Variants in CEP85L observed in about 807,000 individuals in gnomAD.
CEP85L encodes the protein centrosomal protein 85L.
In CEP85L, 60 loss-of-function variants were observed where a neutral mutation model predicts 100.3. That is an observed-to-expected ratio of 0.60 (90% CI 0.49 to 0.74). CEP85L has a LOEUF of 0.74. Among genes scored for constraint, CEP85L ranks in the 30% least tolerant of loss-of-function variants. The pLI is 0.00. For missense variants in CEP85L, 973 were observed against 936.2 expected (o/e 1.04, Z -0.51); for synonymous variants, 319 against 322.7 (o/e 0.99, Z 0.12).
intron 2 of CEP85L, among the ~76,000 whole-genome samples, chr6:118,597,314 C>T (rs1257275112): frequency 6.6e-6 from 1 of 152,158 alleles, no homozygotes; most frequent in Non-Finnish European, 1.5e-5. Context: ...ACTAATCATG[C>T]CTTAAACTCA....
At chr6:118,701,008 C>T (rs937742131) in intron 1 of CEP85L, among the ~76,000 whole-genome samples, 2 of 152,130 alleles carry the variant, frequency 1.3e-5, no homozygotes, top group African/African-American at 4.8e-5. Flanking sequence ...GGGTGGCCAC[C>T]AGAGCATAAC....
intron 2 of CEP85L, among the ~76,000 whole-genome samples, chr6:118,600,300 G>GGGGGGGGGGT: frequency 1.9e-5 from 1 of 52,244 alleles, no homozygotes; most frequent in Non-Finnish European, 4.0e-5. Flanking sequence ...CCTTCCTGGG[G>GGGGGGGGGGT]GTGTGTGTGT....
intron 5 of CEP85L, chr6:118,502,701 T>C (rs1343050725): frequency 2.2e-6 from 1 of 458,856 alleles, no homozygotes; most frequent in Non-Finnish European, 4.0e-6. Context: ...CCCTTCCCAA[T>C]ATGATGTCTC....
intron 5 of CEP85L, among the ~76,000 whole-genome samples, chr6:118,506,539 C>T (rs1278967279): frequency 6.6e-6 from 1 of 152,196 alleles, no homozygotes; most frequent in East Asian, 1.9e-4. Context: ...TAACCCTAAG[C>T]CTTTTGCTTT....
intron 2 of CEP85L, among the ~76,000 whole-genome samples, chr6:118,607,988 C>T (rs978232117): frequency 1.3e-5 from 2 of 151,888 alleles, no homozygotes; most frequent in African/African-American, 2.4e-5. Flanking sequence ...GAAGTCAGGG[C>T]GAGTCCACAG....
At chr6:118,505,452 C>G (rs888516220) in intron 5 of CEP85L, among the ~76,000 whole-genome samples, 1 of 127,872 alleles carries the variant, frequency 7.8e-6, no homozygotes, top group African/African-American at 2.9e-5. Flanking sequence ...AACACAGATG[C>G]TTCTACTATA....
chr6:118,569,629 TAAATC>T (rs1300884954), intron 2 of CEP85L, among the ~76,000 whole-genome samples: 1 of 151,894 alleles, frequency 6.6e-6, no homozygotes, highest in African/African-American at 2.4e-5. Context: ...CAGTGAGAAT[TAAATC>T]AAAACACATA....
chr6:118,525,068 A>G (rs1218665449), intron 3 of CEP85L, among the ~76,000 whole-genome samples: 1 of 152,122 alleles, frequency 6.6e-6, no homozygotes, highest in Non-Finnish European at 1.5e-5. Flanking sequence ...TCACCCTTCA[A>G]GGTGTCTGCA....
At chr6:118,677,350 G>A (rs901660373) in intron 1 of CEP85L, among the ~76,000 whole-genome samples, 14 of 152,232 alleles carry the variant, frequency 9.2e-5, no homozygotes, top group Admixed American at 2.0e-4. Context: ...AGAAGGGGGC[G>A]AGCTGTACAA....
chr6:118,646,288 C>A (rs944813551), intron 1 of CEP85L, among the ~76,000 whole-genome samples: 2 of 73,826 alleles, frequency 2.7e-5, no homozygotes, highest in Non-Finnish European at 5.4e-5. Flanking sequence ...TGACCCTATA[C>A]AATAAATTGC....
intron 2 of CEP85L, among the ~76,000 whole-genome samples, chr6:118,628,258 G>A (rs1344254214): frequency 2.6e-5 from 4 of 152,150 alleles, no homozygotes; most frequent in Non-Finnish European, 5.9e-5. Flanking sequence ...ACTAGACCAG[G>A]AATTTAAAAC....
chr6:118,671,125 C>T (rs553453358), intron 1 of CEP85L, among the ~76,000 whole-genome samples: 38 of 152,222 alleles, frequency 2.5e-4, no homozygotes, highest in African/African-American at 8.4e-4. Flanking sequence ...ACTATGTTAT[C>T]GTAAGCAATT....
At chr6:118,537,543 A>G (rs528242642) in intron 3 of CEP85L, 2 of 985,348 alleles carry the variant, frequency 2.0e-6, no homozygotes, top group South Asian at 4.7e-5. Context: ...GAAATGGCAG[A>G]TTCCACTCTC....
At chr6:118,598,460 T>C (rs1163085950) in intron 2 of CEP85L, among the ~76,000 whole-genome samples, 2 of 152,196 alleles carry the variant, frequency 1.3e-5, no homozygotes, top group Non-Finnish European at 2.9e-5. Context: ...GAGGTCATGC[T>C]GGTTCAGGGT....
At chr6:118,537,811 T>C in intron 3 of CEP85L, 2 of 985,328 alleles carry the variant, frequency 2.0e-6, no homozygotes, top group Non-Finnish European at 2.4e-6. Flanking sequence ...TTATCTCTCC[T>C]TCACTTGCCT....
At position 118,523,833 on chromosome 6, in the gene CEP85L, G is replaced by C. The variant is rs1458134536; in HGVS notation, c.1108C>G (p.Leu370Val). 6 of 1,588,816 alleles carry C rather than the reference G, an allele frequency of 3.8e-6. No homozygotes were observed. The highest frequency in any genetic ancestry group is 1.3e-5 in the African/African-American group (1 of 74,510). The stretch of plus-strand genomic sequence containing the variant: ...ATTACAATTTCTTTCTGCCTTAGAA[G>C]TCCTTCTTTTATTTTCAACATTGAT... ...WESMLKIKEGLLRQKEIVIDR... is the reference protein window; with the variant it reads ...WESMLKIKEGVLRQKEIVIDR... The change falls in exon 4 of 13, where the codon CTT (leucine) becomes GTT (valine). Residue 370 changes from leucine to valine, a missense_variant. Physicochemically the swap from Leu to Val is conservative, Grantham distance 32 (BLOSUM62 1). This residue lies in a region of CEP85L where 890 missense variants were observed against 844.5 expected (regional missense o/e 1.05). Transcript: ENST00000368491.
intron 1 of CEP85L, among the ~76,000 whole-genome samples, chr6:118,709,658 T>C (rs1777722961): frequency 6.6e-6 from 1 of 151,836 alleles, no homozygotes; most frequent in Admixed American, 6.6e-5. Flanking sequence ...TTCCAGCTTA[T>C]TTTCTGCATT....
chr6:118,480,364 T>C (rs1562181292), intron 9 of CEP85L, 32 bp downstream of exon 9: 1 of 1,214,322 alleles, frequency 8.2e-7, no homozygotes, highest in Non-Finnish European at 1.2e-6. Context: ...ATAGCATAGA[T>C]TTCACGTTTA....
At chr6:118,606,561 C>T (rs183550366) in intron 2 of CEP85L, among the ~76,000 whole-genome samples, 1 of 152,340 alleles carries the variant, frequency 6.6e-6, no homozygotes, top group African/African-American at 2.4e-5. Flanking sequence ...ATGACATGAA[C>T]CCTAAAATTC....
Sources: gnomAD v4.1 joint callset for allele counts (sites outside exome capture counted in the v4.1 genomes callset) on GRCh38, gnomAD v4.1.1 for gene constraint, gnomAD v4.1.1 regional missense constraint, MANE v1.5 for transcripts, NCBI Gene and HGNC (gene_info 2026-07-23, HGNC 2026-07-21) for gene names.